CLRN1: variants seen among roughly 807,000 people sequenced by gnomAD.
CLRN1 encodes the protein clarin 1.
CLRN1 carries 15 observed loss-of-function variants against 18.7 expected under a neutral mutation model. The observed-to-expected ratio is 0.80, with a 90% CI of 0.54 to 1.23. CLRN1 has a LOEUF of 1.23. CLRN1 is among the 50% of genes most tolerant of loss of function. The probability of loss-of-function intolerance (pLI) is 0.00; values close to 1 mark genes in which losing one functional copy is unlikely to be tolerated. For synonymous variants in CLRN1, 104 were observed against 102.9 expected, an observed-to-expected ratio of 1.01 and a Z score of -0.07; for missense variants, 311 against 277.5, an observed-to-expected ratio of 1.12 and a Z score of -0.86.
chr3:150,945,157 C>T (rs113701305), intron 1 of CLRN1, among the ~76,000 whole-genome samples: 4 of 152,306 alleles, frequency 2.6e-5, no homozygotes, highest in African/African-American at 9.6e-5. Context: ...CTAGTCCTAG[C>T]CCTAGTATTT....
chr3:150,931,055 C>G (rs1713108795), intron 2 of CLRN1, among the ~76,000 whole-genome samples: 1 of 152,120 alleles, frequency 6.6e-6, no homozygotes, highest in Admixed American at 6.6e-5. Context: ...GGATAGAAAC[C>G]CAGCCTGAGT....
upstream of CLRN1, chr3:150,972,810 G>A (rs936293251): frequency 3.2e-6 from 5 of 1,539,924 alleles, no homozygotes; most frequent in African/African-American, 2.7e-5. Context: ...GAAGCTGAAC[G>A]GACAGCTCCC....
At chr3:150,934,664 A>G (rs1037002833) in intron 2 of CLRN1, among the ~76,000 whole-genome samples, 2 of 152,116 alleles carry the variant, frequency 1.3e-5, no homozygotes, top group Admixed American at 6.6e-5. Flanking sequence ...ACCCTCTCCC[A>G]TCAACTGGGA....
chr3:150,964,906 G>C (rs908885704), intron 1 of CLRN1, among the ~76,000 whole-genome samples: 4 of 152,094 alleles, frequency 2.6e-5, no homozygotes, highest in Non-Finnish European at 4.4e-5. Context: ...GTCGGTGGGT[G>C]GGGGACTAGG....
intron 1 of CLRN1, among the ~76,000 whole-genome samples, chr3:150,970,689 A>AG (rs1715488502): frequency 6.6e-6 from 1 of 152,136 alleles, no homozygotes; most frequent in South Asian, 2.1e-4. Context: ...TCACTAGGCT[A>AG]GGGGGAGAAT....
rs766352408 is a variant in CLRN1, at chr3:150,941,636, G to C, written c.379C>G (p.Pro127Ala). Residue 127 changes from proline to alanine, a missense_variant, in exon 2 of 3, where the codon CCT becomes GCT. Coordinates refer to ENST00000327047, the MANE Select transcript of CLRN1 (RefSeq NM_174878.3). ...AFFMYNAFGK[P>A]FETLHGPLGL... ...AGGGGACCATGCAGAGTTTCAAAAG[G>C]TTTTCCAAAAGCATTGTACATGAAG... is the stretch of plus-strand genomic sequence containing the variant. 6 of 1,614,036 alleles carry C rather than the reference G, an allele frequency of 3.7e-6. No homozygotes were observed. Among genetic ancestry groups the C allele is most frequent in the Non-Finnish European group, 3.4e-6 (4 of 1,179,950 alleles).
At chr3:150,960,014 A>G (rs1714947578) in intron 1 of CLRN1, among the ~76,000 whole-genome samples, 1 of 152,160 alleles carries the variant, frequency 6.6e-6, no homozygotes, top group Non-Finnish European at 1.5e-5. Flanking sequence ...CAATGGGGAG[A>G]CAAACAGCCA....
At chr3:150,939,399 G>GT (rs1358112237) in intron 2 of CLRN1, among the ~76,000 whole-genome samples, 1 of 152,114 alleles carries the variant, frequency 6.6e-6, no homozygotes, top group Non-Finnish European at 1.5e-5. Flanking sequence ...TCTTTTGTTG[G>GT]TTCCCCCAAG....
intron 1 of CLRN1, among the ~76,000 whole-genome samples, chr3:150,969,314 T>TATATATATA (rs1491446852): frequency 2.8e-5 from 1 of 35,882 alleles, no homozygotes; most frequent in East Asian, 1.0e-3. Context: ...TATATATATA[T>TATATATATA]TTTTTTTTTT....
chr3:150,928,625 C>T (rs753921995), intron 2 of CLRN1, among the ~76,000 whole-genome samples: 9 of 152,174 alleles, frequency 5.9e-5, no homozygotes, highest in Admixed American at 2.0e-4. Flanking sequence ...ACAGGCCATG[C>T]AGGATAAATG....
chr3:150,932,650 C>T (rs963199839), intron 2 of CLRN1, among the ~76,000 whole-genome samples: 8 of 152,164 alleles, frequency 5.3e-5, no homozygotes, highest in African/African-American at 1.9e-4. Context: ...AAAGCCACAA[C>T]TTTACAAGTG....
At chr3:150,943,442 C>T (rs1265765024) in intron 1 of CLRN1, among the ~76,000 whole-genome samples, 1 of 152,180 alleles carries the variant, frequency 6.6e-6, no homozygotes, top group Non-Finnish European at 1.5e-5. Flanking sequence ...GGAAACTTGA[C>T]TTCAGAGATG....
chr3:150,969,220 A>G (rs1440311037), intron 1 of CLRN1, among the ~76,000 whole-genome samples: 1 of 143,966 alleles, frequency 6.9e-6, no homozygotes, highest in Non-Finnish European at 1.5e-5. Flanking sequence ...AATTTCATCT[A>G]TTCCTTTTTA....
At chr3:150,964,988 G>A (rs556674414) in intron 1 of CLRN1, among the ~76,000 whole-genome samples, 2 of 152,168 alleles carry the variant, frequency 1.3e-5, no homozygotes, top group South Asian at 2.1e-4. Context: ...ATCATGGCAC[G>A]TGTATACCTA....
At chr3:150,939,153 C>T (rs1453127775) in intron 2 of CLRN1, among the ~76,000 whole-genome samples, 1 of 152,206 alleles carries the variant, frequency 6.6e-6, no homozygotes, top group African/African-American at 2.4e-5. Context: ...GCCTTTTCAG[C>T]TGTTTTCTGT....
chr3:150,949,824 T>C (rs757440595), intron 1 of CLRN1, among the ~76,000 whole-genome samples: 11 of 152,136 alleles, frequency 7.2e-5, no homozygotes, highest in Non-Finnish European at 1.0e-4. Flanking sequence ...TTAAACTTCA[T>C]ATGGTACCAA....
chr3:150,944,463 G>T (rs532631832), intron 1 of CLRN1, among the ~76,000 whole-genome samples: 162 of 152,126 alleles, frequency 1.1e-3, no homozygotes, highest in Non-Finnish European at 2.1e-3. Context: ...TCTAAGGGAG[G>T]CTATTTTCAG....
intron 1 of CLRN1, among the ~76,000 whole-genome samples, chr3:150,956,840 T>C (rs11714757): frequency 0.44 from 66,338 of 151,944 alleles, 16,087 homozygotes; most frequent in East Asian, 0.75. Flanking sequence ...TATTCCAAAC[T>C]TCCCCTATTC....
chr3:150,946,593 T>G (rs764662449), intron 1 of CLRN1, among the ~76,000 whole-genome samples: 2 of 151,558 alleles, frequency 1.3e-5, no homozygotes, highest in Non-Finnish European at 2.9e-5. Context: ...AACGAAGACA[T>G]AAAAATTCCA....
Sources: allele counts gnomAD v4.1 joint callset (sites outside exome capture counted in the v4.1 genomes callset), GRCh38; gene constraint gnomAD v4.1.1; transcripts MANE v1.5; gene names NCBI Gene and HGNC (gene_info 2026-07-23, HGNC 2026-07-21).